The following SLC25A21 variants were observed in gnomAD, a reference collection of about 807,000 sequenced individuals.
The protein encoded by SLC25A21 is solute carrier family 25 member 21, also known as mitochondrial 2-oxodicarboxylate carrier.
In SLC25A21, 47 loss-of-function variants were observed where a neutral mutation model predicts 43.8. The observed-to-expected ratio is 1.07, with a 90% CI of 0.85 to 1.37. SLC25A21 has a LOEUF of 1.37. SLC25A21 is among the 40% of genes most tolerant of loss of function. The probability of loss-of-function intolerance (pLI) is 0.00; values close to 1 mark genes in which losing one functional copy is unlikely to be tolerated. For missense variants in SLC25A21, 352 were observed against 350.2 expected (o/e 1.00, Z -0.04); for synonymous variants, 131 against 121.3 (o/e 1.08, Z -0.52).
intron 1 of SLC25A21, among the ~76,000 whole-genome samples, chr14:36,879,818 CAA>C (rs11290724): frequency 6.9e-5 from 10 of 145,768 alleles, no homozygotes; most frequent in East Asian, 2.0e-4. Context: ...CACTCTTTTC[CAA>C]AAAAAAAAAA....
At chr14:36,939,597 C>G (rs528432042) in intron 1 of SLC25A21, among the ~76,000 whole-genome samples, 4 of 152,190 alleles carry the variant, frequency 2.6e-5, no homozygotes, top group African/African-American at 9.6e-5. Context: ...GAAAATCTTC[C>G]TCTTGCTGTC....
At chr14:37,094,606 TCA>T (rs1594789671) in intron 1 of SLC25A21, among the ~76,000 whole-genome samples, 1 of 152,070 alleles carries the variant, frequency 6.6e-6, no homozygotes, top group East Asian at 1.9e-4. Flanking sequence ...ACATTCACAT[TCA>T]CATATATATA....
At chr14:37,030,379 T>C (rs543919015) in intron 1 of SLC25A21, among the ~76,000 whole-genome samples, 1 of 152,242 alleles carries the variant, frequency 6.6e-6, no homozygotes, top group South Asian at 2.1e-4. Context: ...TCAACTGTAC[T>C]TCTTTTGAGT....
intron 4 of SLC25A21, 141 bp downstream of exon 4, chr14:36,734,366 A>G: frequency 1.8e-6 from 1 of 557,182 alleles, no homozygotes; most frequent in Non-Finnish European, 3.1e-6. Flanking sequence ...AAGTCTAATT[A>G]TAATAAAAAT....
intron 1 of SLC25A21, among the ~76,000 whole-genome samples, chr14:37,171,050 C>G (rs991817625): frequency 2.2e-4 from 33 of 147,266 alleles, no homozygotes; most frequent in Non-Finnish European, 2.8e-4. Flanking sequence ...CGCGCCATGG[C>G]AATCCAGCTC....
chr14:36,815,414 T>A (rs1197857071), intron 2 of SLC25A21, among the ~76,000 whole-genome samples: 4 of 151,806 alleles, frequency 2.6e-5, no homozygotes, highest in Non-Finnish European at 4.4e-5. Flanking sequence ...CAGGCAGGAG[T>A]CTGCATTTGA....
chr14:37,162,019 G>A (rs1319951886), intron 1 of SLC25A21, among the ~76,000 whole-genome samples: 5 of 151,254 alleles, frequency 3.3e-5, no homozygotes, highest in South Asian at 4.2e-4. Context: ...AAAAAGATAG[G>A]GAGAGAACAC....
chr14:37,002,774 T>C (rs913864740), intron 1 of SLC25A21, among the ~76,000 whole-genome samples: 1 of 152,238 alleles, frequency 6.6e-6, no homozygotes, highest in African/African-American at 2.4e-5. Context: ...GTATACTTAT[T>C]AGCGGGAAGG....
chr14:37,162,539 A>C (rs1471800620), intron 1 of SLC25A21, among the ~76,000 whole-genome samples: 1 of 152,220 alleles, frequency 6.6e-6, no homozygotes, highest in Non-Finnish European at 1.5e-5. Context: ...CACACGAAAA[A>C]ATGCTCACCA....
intron 6 of SLC25A21, among the ~76,000 whole-genome samples, chr14:36,722,350 T>C (rs1884408589): frequency 1.3e-5 from 2 of 152,156 alleles, no homozygotes; most frequent in Admixed American, 1.3e-4. Context: ...GATACTATAA[T>C]GGTGAATATA....
chr14:37,161,876 C>T (rs1352681371), intron 1 of SLC25A21, among the ~76,000 whole-genome samples: 5 of 142,526 alleles, frequency 3.5e-5, no homozygotes, highest in East Asian at 2.3e-4. Flanking sequence ...GGCAGGAGAA[C>T]GGCGTGAACC....
intron 1 of SLC25A21, among the ~76,000 whole-genome samples, chr14:37,031,564 T>C (rs1369499509): frequency 6.6e-6 from 1 of 152,226 alleles, no homozygotes; most frequent in African/African-American, 2.4e-5. Flanking sequence ...CATTACTTGA[T>C]GTTGGCAGAG....
chr14:36,808,426 C>A (rs1485000762), intron 3 of SLC25A21, among the ~76,000 whole-genome samples: 1 of 152,174 alleles, frequency 6.6e-6, no homozygotes, highest in Admixed American at 6.5e-5. Flanking sequence ...ATATACTAGT[C>A]TCAGAGCTTT....
At chr14:36,814,323 T>C (rs848081) in intron 2 of SLC25A21, among the ~76,000 whole-genome samples, 28,101 of 152,152 alleles carry the variant, frequency 0.18, 3,018 homozygotes, top group Middle Eastern at 0.25. Flanking sequence ...TGTTTTAATG[T>C]AGAATTCAGA....
intron 1 of SLC25A21, among the ~76,000 whole-genome samples, chr14:36,911,192 G>A (rs1891677331): frequency 6.6e-6 from 1 of 151,978 alleles, no homozygotes; most frequent in Non-Finnish European, 1.5e-5. Context: ...TACTGAAACT[G>A]GCTTACTTTA....
intron 1 of SLC25A21, among the ~76,000 whole-genome samples, chr14:36,933,972 A>G (rs187602109): frequency 2.7e-4 from 41 of 152,296 alleles, no homozygotes; most frequent in African/African-American, 8.2e-4. Flanking sequence ...GATGCTAAGC[A>G]TGGCTGAAAG....
At chr14:36,687,238 C>T (rs1175027226) in intron 7 of SLC25A21, among the ~76,000 whole-genome samples, 1 of 152,194 alleles carries the variant, frequency 6.6e-6, no homozygotes, top group Admixed American at 6.5e-5. Flanking sequence ...CAGCCATGAG[C>T]CACCGTGCCC....
chr14:36,976,301 G>A (rs1467888490), intron 1 of SLC25A21, among the ~76,000 whole-genome samples: 2 of 152,064 alleles, frequency 1.3e-5, no homozygotes, highest in Non-Finnish European at 2.9e-5. Context: ...GAACAAATAA[G>A]GCAAGATCAG....
chr14:37,038,387 G>A (rs1409896970), intron 1 of SLC25A21, among the ~76,000 whole-genome samples: 1 of 152,096 alleles, frequency 6.6e-6, no homozygotes, highest in Non-Finnish European at 1.5e-5. Flanking sequence ...CAGCATTTCT[G>A]AAAGTCCTCT....
Sources: gnomAD v4.1 joint callset for allele counts (sites outside exome capture counted in the v4.1 genomes callset) on GRCh38, gnomAD v4.1.1 for gene constraint, MANE v1.5 for transcripts, NCBI Gene and HGNC (gene_info 2026-07-23, HGNC 2026-07-21) for gene names.